Variants in COMMD1 observed in about 807,000 individuals in gnomAD.
The protein encoded by COMMD1 is COMM domain-containing protein 1.
COMMD1 carries 10 observed loss-of-function variants against 17.2 expected under a neutral mutation model. The observed-to-expected ratio is 0.58, with a 90% CI of 0.36 to 0.99. The LOEUF (loss-of-function observed/expected upper bound fraction) is 0.99. Among genes scored for constraint, COMMD1 ranks in the 50% least tolerant of loss-of-function variants. COMMD1 has a pLI of 0.01. For missense variants in COMMD1, 270 were observed against 231.8 expected (o/e 1.17, Z -1.07); for synonymous variants, 97 against 91.6 (o/e 1.06, Z -0.34).
intron 1 of COMMD1, among the ~76,000 whole-genome samples, chr2:61,968,029 C>A (rs887970788): frequency 6.6e-6 from 1 of 152,042 alleles, no homozygotes; most frequent in Non-Finnish European, 1.5e-5. Flanking sequence ...GGCGTGGTGG[C>A]GTGTGCCTGT....
chr2:61,901,857 C>T (rs375635657), upstream of COMMD1, among the ~76,000 whole-genome samples: 3 of 152,074 alleles, frequency 2.0e-5, no homozygotes, highest in African/African-American at 4.8e-5. Context: ...TTTATTGAGA[C>T]GGAATCTTGC....
intron 1 of COMMD1, among the ~76,000 whole-genome samples, chr2:61,957,692 GT>G (rs1452144449): frequency 6.6e-6 from 1 of 152,148 alleles, no homozygotes; most frequent in Non-Finnish European, 1.5e-5. Context: ...ACCCGCTGGT[GT>G]TTTACTGAGT....
In COMMD1 at chr2:61,969,974, G is replaced by A. The variant is rs1243010992; in HGVS notation, c.181-30727G>A. Reference sequence around the variant, plus strand: ...TCCAAGCAGAATGAGAATAATCATAGCGCTGGGCACAGTGGCTCACACCTG... The same window carrying A: ...TCCAAGCAGAATGAGAATAATCATAACGCTGGGCACAGTGGCTCACACCTG... On this transcript the variant is annotated intron_variant, in intron 1 of 2. Transcript: ENST00000311832. 2.0e-5 allele frequency among the ~76,000 whole-genome samples: 3 copies of A among 151,918 alleles called. No individual in the cohort carries two copies. The East Asian group carries it at 5.8e-4, about 29-fold the overall frequency.
At chr2:62,089,812 G>T (rs935315134) in intron 2 of COMMD1, among the ~76,000 whole-genome samples, 2 of 152,050 alleles carry the variant, frequency 1.3e-5, no homozygotes, top group Non-Finnish European at 2.9e-5. Context: ...TTTGTCCTCG[G>T]TCTCCCCTCT....
intron 1 of COMMD1, among the ~76,000 whole-genome samples, chr2:61,933,684 CTG>C (rs971352525): frequency 5.9e-5 from 9 of 152,130 alleles, no homozygotes; most frequent in Non-Finnish European, 1.2e-4. Flanking sequence ...GCTTCCAAAA[CTG>C]TGAGCTAAAT....
chr2:62,072,332 G>A (rs1322928232), intron 2 of COMMD1, among the ~76,000 whole-genome samples: 2 of 152,060 alleles, frequency 1.3e-5, no homozygotes, highest in African/African-American at 2.4e-5. Context: ...AAATGGTGCT[G>A]TTCTAGGCCC....
chr2:62,101,282 C>T (rs1015383877), intron 2 of COMMD1, among the ~76,000 whole-genome samples: 1 of 152,132 alleles, frequency 6.6e-6, no homozygotes, highest in East Asian at 1.9e-4. Context: ...GGAGACCCCA[C>T]AGGTCTTAAC....
intron 2 of COMMD1, among the ~76,000 whole-genome samples, chr2:62,071,558 T>A (rs1671201112): frequency 6.6e-6 from 1 of 152,234 alleles, no homozygotes; most frequent in East Asian, 1.9e-4. Context: ...CTGGTTCAAA[T>A]GCCTCTGACA....
intron 1 of COMMD1, among the ~76,000 whole-genome samples, chr2:61,899,816 C>T (rs559411354): frequency 1.5e-4 from 23 of 152,156 alleles, no homozygotes; most frequent in South Asian, 4.2e-4. Context: ...GGACTACAGA[C>T]GTGTGCCACC....
chr2:61,916,635 C>T (rs1670058796), intron 1 of COMMD1, among the ~76,000 whole-genome samples: 1 of 151,860 alleles, frequency 6.6e-6, no homozygotes, highest in Non-Finnish European at 1.5e-5. Context: ...CTATGTTGTC[C>T]AGGCTGGTTT....
intron 2 of COMMD1, among the ~76,000 whole-genome samples, chr2:62,087,276 G>C (rs1252771955): frequency 6.6e-6 from 1 of 152,186 alleles, no homozygotes; most frequent in Non-Finnish European, 1.5e-5. Context: ...TTTGGAGGTA[G>C]AGTCCGTGAG....
intron 2 of COMMD1, among the ~76,000 whole-genome samples, chr2:62,023,396 T>C (rs539259300): frequency 6.6e-6 from 1 of 152,066 alleles, no homozygotes; most frequent in Non-Finnish European, 1.5e-5. Context: ...AATGTGTGTA[T>C]TGTGAGGAAG....
At chr2:61,903,712 C>T (rs552074914), upstream of COMMD1, among the ~76,000 whole-genome samples, 1 of 151,858 alleles carries the variant, frequency 6.6e-6, no homozygotes, top group African/African-American at 2.4e-5. Context: ...GCTACCATGC[C>T]TGGCTAATTT....
At chr2:62,114,151 T>G (rs1253436895) in intron 2 of COMMD1, among the ~76,000 whole-genome samples, 2 of 152,222 alleles carry the variant, frequency 1.3e-5, no homozygotes, top group African/African-American at 4.8e-5. Context: ...AATATTTGAG[T>G]AGTAACATAG....
Position 62,125,704 on chromosome 2 carries a change from A to G in COMMD1, c.463-10127A>G, listed in dbSNP as rs143533457. 2.1e-3 allele frequency among the ~76,000 whole-genome samples: 315 copies of G among 152,344 alleles called. 2 individuals carry two copies. Among genetic ancestry groups the G allele is most frequent in the African/African-American group, 7.2e-3 (299 of 41,582 alleles). ...CATAAACTATCCATTGTATAAGAAC[A>G]GGTTATAGCAACAAGGCCATGTTTC... On this transcript the variant is annotated intron_variant, in intron 2 of 2. Coordinates refer to ENST00000311832, the MANE Select transcript of COMMD1 (RefSeq NM_152516.4).
chr2:62,123,200 A>T (rs1672793388), intron 2 of COMMD1, among the ~76,000 whole-genome samples: 1 of 152,030 alleles, frequency 6.6e-6, no homozygotes, highest in African/African-American at 2.4e-5. Context: ...CAGAAAAAAA[A>T]TACTTTTTAA....
chr2:62,068,906 C>T (rs951694415), intron 2 of COMMD1, among the ~76,000 whole-genome samples: 1 of 151,818 alleles, frequency 6.6e-6, no homozygotes, highest in East Asian at 1.9e-4. Context: ...CTCCCAAAGT[C>T]CTGGGATTAC....
At chr2:61,961,082 G>A (rs1439351534) in intron 1 of COMMD1, among the ~76,000 whole-genome samples, 1 of 152,222 alleles carries the variant, frequency 6.6e-6, no homozygotes, top group Non-Finnish European at 1.5e-5. Flanking sequence ...GGAGCCCCAC[G>A]TTGGAGCACC....
At chr2:62,063,421 A>T (rs914523836) in intron 2 of COMMD1, among the ~76,000 whole-genome samples, 4 of 151,818 alleles carry the variant, frequency 2.6e-5, no homozygotes, top group Non-Finnish European at 5.9e-5. Flanking sequence ...TAATCTCCTG[A>T]CCTCATGATC....
Sources: gnomAD v4.1 joint callset for allele counts (sites outside exome capture counted in the v4.1 genomes callset) on GRCh38, gnomAD v4.1.1 for gene constraint, MANE v1.5 for transcripts, NCBI Gene and HGNC (gene_info 2026-07-23, HGNC 2026-07-21) for gene names.